GALNT14: variants seen among roughly 807,000 people sequenced by gnomAD.
GALNT14 encodes the protein UDP-GalNAc:polypeptide N-acetylgalactosaminyltransferase 14.
A neutral mutation model predicts 77.5 loss-of-function variants in GALNT14; 60 were observed. The ratio of observed to expected loss-of-function variants is 0.77; its 90% confidence interval spans 0.63 to 0.96. The LOEUF (loss-of-function observed/expected upper bound fraction) is 0.96, where lower values mean the gene tolerates loss of function less well. Ranked by LOEUF, GALNT14 falls within the 40% of genes least tolerant of loss-of-function variation. GALNT14 has a pLI of 0.00. For missense variants in GALNT14, 710 were observed against 731.0 expected (o/e 0.97, Z 0.33); for synonymous variants, 280 against 281.7 (o/e 0.99, Z 0.06).
In GALNT14 at chr2:31,059,663, C is replaced by T. The variant is rs113959862; in HGVS notation, c.130-66656G>A. 5.4e-3 allele frequency among the ~76,000 whole-genome samples: 821 copies of T among 152,174 alleles called. 7 individuals are homozygous for T. Among genetic ancestry groups the T allele is most frequent in the African/African-American group, 0.019 (773 of 41,516 alleles). On this transcript the variant is annotated intron_variant, in intron 1 of 14. Coordinates refer to ENST00000349752, the MANE Select transcript of GALNT14 (RefSeq NM_024572.4). Reference sequence around the variant, plus strand: ...GAGGCTACAGTGAGCCATGATTGTGCCACTGCACTCCAGCCTAGGCAACAG... The same window carrying T: ...GAGGCTACAGTGAGCCATGATTGTGTCACTGCACTCCAGCCTAGGCAACAG...
rs376524459 is a variant in GALNT14, at chr2:31,085,360, T to C, written c.129+52598A>G. Among the ~76,000 whole-genome samples, 381 of 152,284 alleles carry C rather than the reference T, an allele frequency of 2.5e-3. 3 individuals carry two copies. Among genetic ancestry groups the C allele is most frequent in the African/African-American group, 8.9e-3 (369 of 41,556 alleles). On this transcript the variant is annotated intron_variant, in intron 1 of 14. Coordinates refer to ENST00000349752, the MANE Select transcript of GALNT14 (RefSeq NM_024572.4). ...AGGGCCTCCAGAGAGAGGGAGGGGCTCGTGCTAAAGCATGACCTTCAGGGC... is the reference window on the plus strand; with the variant it reads ...AGGGCCTCCAGAGAGAGGGAGGGGCCCGTGCTAAAGCATGACCTTCAGGGC...
At chr2:31,074,112 G>A (rs1675603231) in intron 1 of GALNT14, among the ~76,000 whole-genome samples, 1 of 152,188 alleles carries the variant, frequency 6.6e-6, no homozygotes. Flanking sequence ...AGAGGAAGTA[G>A]GAAATAGAGG....
chr2:30,907,125 C>T (rs1426159312), downstream of GALNT14, among the ~76,000 whole-genome samples: 4 of 152,136 alleles, frequency 2.6e-5, no homozygotes, highest in African/African-American at 9.7e-5. Flanking sequence ...CCAAAATTGA[C>T]ACCCTAACAT....
At chr2:31,114,906 G>T in intron 1 of GALNT14, 1 of 699,330 alleles carries the variant, frequency 1.4e-6, no homozygotes, top group South Asian at 1.6e-5. Flanking sequence ...AAAGTATTAT[G>T]ACTTCAGTCA....
chr2:30,899,836 G>A, the GALNT14 span, among the ~76,000 whole-genome samples: 1 of 152,220 alleles, frequency 6.6e-6, no homozygotes, highest in Middle Eastern at 3.2e-3. Context: ...CCACGAGGGA[G>A]CTCGGGCGGT....
Position 31,115,678 on chromosome 2 carries a change from AG to A in GALNT14, c.129+22279del, listed in dbSNP as rs576721974. On this transcript the variant is annotated intron_variant, in intron 1 of 14. Transcript: ENST00000349752. ...CCAGTAATTAGGGGTAGTGGAAGGT[AG>A]GGTGAATAAAAGTCTTCTAAAGGCC... Among the ~76,000 whole-genome samples the A allele has an allele frequency of 2.6e-4, 40 of 152,312 alleles. 1 individual carries two copies. Among genetic ancestry groups the A allele is most frequent in the Admixed American group, 2.2e-3 (33 of 15,304 alleles).
Position 31,017,327 on chromosome 2 carries a change from C to T in GALNT14, c.130-24320G>A, listed in dbSNP as rs190893691. Among the ~76,000 whole-genome samples the T allele has an allele frequency of 2.6e-5, 4 of 152,312 alleles. No individual in the cohort carries two copies. The East Asian group carries it at 7.7e-4, about 29-fold the overall frequency. Reference sequence around the variant, plus strand: ...ACCTGCCATCTTCTGTTCCCTTGCCCACAATAGGCATTGCTGATGGGCCCT... The same window carrying T: ...ACCTGCCATCTTCTGTTCCCTTGCCTACAATAGGCATTGCTGATGGGCCCT... On this transcript the variant is annotated intron_variant, in intron 1 of 14. Coordinates refer to ENST00000349752, the MANE Select transcript of GALNT14 (RefSeq NM_024572.4).
intron 1 of GALNT14, among the ~76,000 whole-genome samples, chr2:31,047,219 G>A (rs1673522538): frequency 1.3e-5 from 2 of 152,162 alleles, no homozygotes; most frequent in South Asian, 4.1e-4. Context: ...CTGTAGCCCT[G>A]CCCCCATTCC....
intron 2 of GALNT14, among the ~76,000 whole-genome samples, chr2:30,976,326 G>A (rs934105918): frequency 9.9e-5 from 15 of 152,180 alleles, no homozygotes; most frequent in African/African-American, 3.4e-4. Context: ...AGACTCCTCT[G>A]GCTGCATTTA....
chr2:31,121,139 G>A (rs141212839), intron 1 of GALNT14, among the ~76,000 whole-genome samples: 16 of 152,152 alleles, frequency 1.1e-4, no homozygotes, highest in South Asian at 2.1e-4. Context: ...TTCTGAACTC[G>A]GGAGCCCAGC....
intron 1 of GALNT14, among the ~76,000 whole-genome samples, chr2:31,099,599 A>C (rs889087093): frequency 6.6e-6 from 1 of 152,044 alleles, no homozygotes; most frequent in South Asian, 2.1e-4. Flanking sequence ...GTATGGATAC[A>C]ATTTTATTTT....
intron 1 of GALNT14, among the ~76,000 whole-genome samples, chr2:30,998,518 G>C (rs1670171793): frequency 6.6e-6 from 1 of 152,132 alleles, no homozygotes; most frequent in Non-Finnish European, 1.5e-5. Context: ...CTTTGATACA[G>C]CTTCTATCCT....
chr2:31,079,100 T>A (rs1258338358), intron 1 of GALNT14: 1 of 1,220,058 alleles, frequency 8.2e-7, no homozygotes, highest in African/African-American at 1.6e-5. Flanking sequence ...ATGCATATGA[T>A]GATATTTGGC....
rs1672517255 is a variant in GALNT14 at position 31,033,156 on chromosome 2, T to C, written c.130-40149A>G. Reference sequence around the variant, plus strand: ...CAGGCTCAAGTCATTGAAAAGTGACTGACAGACACCCCAGGGTTTCTCTGA... The same window carrying C: ...CAGGCTCAAGTCATTGAAAAGTGACCGACAGACACCCCAGGGTTTCTCTGA... On this transcript the variant is annotated intron_variant, in intron 1 of 14. Transcript: ENST00000349752. Among the ~76,000 whole-genome samples the C allele has an allele frequency of 2.0e-5, 3 of 152,168 alleles. No homozygotes were observed. The South Asian group carries it at 6.2e-4, about 32-fold the overall frequency.
intron 13 of GALNT14, among the ~76,000 whole-genome samples, chr2:30,921,228 G>C (rs1665011776): frequency 6.6e-6 from 1 of 152,078 alleles, no homozygotes; most frequent in Non-Finnish European, 1.5e-5. Context: ...TGCAGCCAAA[G>C]GTGTCAGGTA....
intron 1 of GALNT14, among the ~76,000 whole-genome samples, chr2:31,084,105 A>T (rs541412038): frequency 5.3e-5 from 8 of 152,220 alleles, no homozygotes; most frequent in African/African-American, 1.9e-4. Flanking sequence ...AATGCAGCTC[A>T]GCTAACACAT....
At chr2:30,909,757 A>C (rs1664254031), downstream of GALNT14, among the ~76,000 whole-genome samples, 1 of 152,088 alleles carries the variant, frequency 6.6e-6, no homozygotes, top group Admixed American at 6.5e-5. Context: ...AGACACATGC[A>C]CATGTATGTT....
chr2:31,076,890 C>T lies in GALNT14; in HGVS notation c.129+61068G>A, dbSNP rs150724229. ...CTTAAGATCACCATAGCTAGATGAT[C>T]ATAAGCCCCAAAGTTAGGGACGCTC... On this transcript the variant is annotated intron_variant, in intron 1 of 14. Coordinates refer to ENST00000349752, the MANE Select transcript of GALNT14 (RefSeq NM_024572.4). 1.2e-3 allele frequency among the ~76,000 whole-genome samples: 176 copies of T among 152,214 alleles called. 1 individual carries two copies. The highest frequency in any genetic ancestry group is 4.0e-3 in the African/African-American group (167 of 41,532).
At chr2:30,893,349 A>T in the GALNT14 span, among the ~76,000 whole-genome samples, 6 of 152,204 alleles carry the variant, frequency 3.9e-5, no homozygotes, top group Non-Finnish European at 8.8e-5. Context: ...AAATTTGGAG[A>T]AAAGCATGAA....
Sources: allele counts gnomAD v4.1 joint callset (sites outside exome capture counted in the v4.1 genomes callset), GRCh38; gene constraint gnomAD v4.1.1; transcripts MANE v1.5; gene names NCBI Gene and HGNC (gene_info 2026-07-23, HGNC 2026-07-21).